Variants in CNTN4 observed in about 807,000 individuals in gnomAD.
The protein encoded by CNTN4 is contactin 4.
CNTN4 carries 77 observed loss-of-function variants against 122.5 expected under a neutral mutation model. The observed-to-expected ratio is 0.63, with a 90% CI of 0.52 to 0.76. CNTN4 has a LOEUF of 0.76. Ranked by LOEUF, CNTN4 falls within the 30% of genes least tolerant of loss-of-function variation. The probability of loss-of-function intolerance (pLI) is 0.00; values close to 1 mark genes in which losing one functional copy is unlikely to be tolerated. For missense variants in CNTN4, 1,256 were observed against 1,259.1 expected (o/e 1.00, Z 0.04); for synonymous variants, 512 against 447.0 (o/e 1.15, Z -1.83).
intron 12 of CNTN4, among the ~76,000 whole-genome samples, chr3:2,916,489 A>G (rs199658427): frequency 0.36 from 50,900 of 139,544 alleles, 9,793 homozygotes; most frequent in East Asian, 0.62. Flanking sequence ...AGTGGACACA[A>G]CACATGTTTC....
chr3:2,387,352 C>T (rs2046290201), intron 3 of CNTN4, among the ~76,000 whole-genome samples: 1 of 151,894 alleles, frequency 6.6e-6, no homozygotes, highest in Non-Finnish European at 1.5e-5. Context: ...ATTCTTAAGG[C>T]AAATCTTTAT....
intron 3 of CNTN4, among the ~76,000 whole-genome samples, chr3:2,486,355 A>G (rs1341101528): frequency 6.6e-6 from 1 of 152,180 alleles, no homozygotes; most frequent in Non-Finnish European, 1.5e-5. Context: ...CCAATTCCAG[A>G]TACACTATGA....
At chr3:2,104,438 A>C (rs1405533038) in intron 2 of CNTN4, among the ~76,000 whole-genome samples, 1 of 152,208 alleles carries the variant, frequency 6.6e-6, no homozygotes, top group African/African-American at 2.4e-5. Flanking sequence ...GTGGTAGTTC[A>C]GTACTCATAG....
chr3:2,469,866 C>G (rs548247717), intron 3 of CNTN4, among the ~76,000 whole-genome samples: 4 of 152,122 alleles, frequency 2.6e-5, no homozygotes, highest in Admixed American at 1.3e-4. Flanking sequence ...TCTAATTTAA[C>G]TCATCTGAAG....
At chr3:2,878,096 T>C (rs1158188148) in intron 8 of CNTN4, among the ~76,000 whole-genome samples, 1 of 152,168 alleles carries the variant, frequency 6.6e-6, no homozygotes, top group Non-Finnish European at 1.5e-5. Flanking sequence ...ATGATGCCAT[T>C]CTATCTCTGA....
intron 17 of CNTN4, among the ~76,000 whole-genome samples, 200 bp downstream of exon 17, chr3:3,034,990 T>C (rs761602756): frequency 1.3e-5 from 2 of 152,142 alleles, no homozygotes; most frequent in Non-Finnish European, 2.9e-5. Context: ...TTTAAACTCA[T>C]CCTAAGCAAT....
chr3:2,592,210 C>T lies in CNTN4; in HGVS notation c.55+20652C>T, dbSNP rs551000906. 2.6e-5 allele frequency among the ~76,000 whole-genome samples: 4 copies of T among 152,284 alleles called. No homozygotes were observed. In the South Asian group the frequency reaches 8.3e-4, roughly 32 times the overall value. On this transcript the variant is annotated intron_variant, in intron 4 of 24. Transcript: ENST00000418658. ...TTAAAGGTTTTCAGCTTGGCCCTGA[C>T]TTTTTATTGTCTTGGCTTTGCCTCA...
chr3:2,616,695 A>G (rs994136578), intron 4 of CNTN4, among the ~76,000 whole-genome samples: 3 of 152,120 alleles, frequency 2.0e-5, no homozygotes, highest in Non-Finnish European at 4.4e-5. Context: ...ATGGTCTAAG[A>G]AAAAAGAACA....
intron 2 of CNTN4, among the ~76,000 whole-genome samples, chr3:2,287,776 A>G (rs1052092993): frequency 2.7e-5 from 4 of 147,490 alleles, no homozygotes; most frequent in African/African-American, 1.0e-4. Flanking sequence ...GAAGAAGAAG[A>G]AGGAGAAGAA....
intron 8 of CNTN4, among the ~76,000 whole-genome samples, chr3:2,869,145 G>A (rs936000491): frequency 4.6e-5 from 7 of 152,206 alleles, no homozygotes; most frequent in Non-Finnish European, 8.8e-5. Context: ...GAAATTAGCA[G>A]ATTTTACTTC....
At chr3:2,755,784 A>C (rs886867340) in intron 6 of CNTN4, among the ~76,000 whole-genome samples, 1 of 152,166 alleles carries the variant, frequency 6.6e-6, no homozygotes, top group Non-Finnish European at 1.5e-5. Flanking sequence ...TATATATGAA[A>C]ATTGGCGAAT....
At chr3:2,235,891 A>T (rs1036507994) in intron 2 of CNTN4, among the ~76,000 whole-genome samples, 3 of 152,178 alleles carry the variant, frequency 2.0e-5, no homozygotes, top group African/African-American at 4.8e-5. Flanking sequence ...ACGAGGCATT[A>T]TCTTGCTTCA....
chr3:2,234,794 CTTGT>C (rs1201726446), intron 2 of CNTN4, among the ~76,000 whole-genome samples: 5 of 152,052 alleles, frequency 3.3e-5, no homozygotes, highest in Non-Finnish European at 7.4e-5. Context: ...CTCTTTTTCT[CTTGT>C]TTAAGAAGTA....
At chr3:2,940,476 C>T (rs765124338) in intron 13 of CNTN4, among the ~76,000 whole-genome samples, 5 of 152,238 alleles carry the variant, frequency 3.3e-5, no homozygotes, top group South Asian at 4.1e-4. Flanking sequence ...GGTAAGGAAT[C>T]GGAAGCTTAG....
Position 2,819,510 on chromosome 3 carries a change from C to G in CNTN4, c.383C>G (p.Thr128Arg). Reference protein sequence around the residue: ...FAYLDNFKTRTRSTVSVRRGQ... With the variant: ...FAYLDNFKTRRRSTVSVRRGQ... ...GATCTTGACAACTTTAAAACAAGAA[C>G]AAGAAGCACTGTGTCTGTCCGTCGA... Residue 128 changes from threonine to arginine, a missense_variant, in exon 7 of 25, where the codon ACA (threonine) becomes AGA (arginine). Coordinates refer to ENST00000418658, the MANE Select transcript of CNTN4 (RefSeq NM_175607.3). The G allele has an allele frequency of 6.2e-7, 1 of 1,614,064 alleles. No individual in the cohort carries two copies.
chr3:2,600,364 C>T (rs1329864484), intron 4 of CNTN4, among the ~76,000 whole-genome samples: 1 of 152,080 alleles, frequency 6.6e-6, no homozygotes, highest in Non-Finnish European at 1.5e-5. Flanking sequence ...CCGCACCCCA[C>T]AACAGGCCCC....
intron 3 of CNTN4, among the ~76,000 whole-genome samples, chr3:2,478,584 A>T (rs2075897120): frequency 6.6e-6 from 1 of 151,962 alleles, no homozygotes; most frequent in African/African-American, 2.4e-5. Context: ...CCCTCCGCCC[A>T]CACCCGTCCC....
At chr3:2,892,083 T>C (rs973749726) in intron 10 of CNTN4, 2 of 152,190 alleles carry the variant, frequency 1.3e-5, no homozygotes, top group Non-Finnish European at 2.9e-5. Context: ...CCCAAAGAGA[T>C]TAAAGTAATT....
At chr3:2,981,437 C>T (rs887232000) in intron 13 of CNTN4, among the ~76,000 whole-genome samples, 6 of 152,030 alleles carry the variant, frequency 3.9e-5, no homozygotes, top group African/African-American at 1.5e-4. Flanking sequence ...GAGCGAGACT[C>T]CGTCTCAAAA....
Sources: allele counts gnomAD v4.1 joint callset (sites outside exome capture counted in the v4.1 genomes callset), GRCh38; gene constraint gnomAD v4.1.1; transcripts MANE v1.5; gene names NCBI Gene and HGNC (gene_info 2026-07-23, HGNC 2026-07-21).